CREM: variants seen among roughly 807,000 people sequenced by gnomAD.
The protein encoded by CREM is cAMP-responsive element modulator.
In CREM, 13 loss-of-function variants were observed where a neutral mutation model predicts 37.3. The observed-to-expected ratio is 0.35, with a 90% confidence interval of 0.23 to 0.55. The LOEUF is 0.55. Among genes scored for constraint, CREM ranks in the 20% least tolerant of loss-of-function variants. The pLI, the probability that CREM is intolerant of heterozygous loss-of-function variation, is 0.88. For missense variants in CREM, 296 were observed against 362.3 expected (o/e 0.82, Z 1.49); for synonymous variants, 124 against 120.2 (o/e 1.03, Z -0.21).
intron 6 of CREM, among the ~76,000 whole-genome samples, chr10:35,189,062 A>T (rs181282251): frequency 3.3e-5 from 5 of 152,228 alleles, no homozygotes; most frequent in Admixed American, 3.3e-4. Context: ...CTAATCTATG[A>T]CAATTTAAGT....
At chr10:35,157,373 G>A (rs779817698) in intron 3 of CREM, among the ~76,000 whole-genome samples, 1 of 152,116 alleles carries the variant, frequency 6.6e-6, no homozygotes, top group Non-Finnish European at 1.5e-5. Flanking sequence ...GCTCACACCT[G>A]TAATCCCAGC....
chr10:35,177,341 C>T (rs1047359577), intron 3 of CREM, among the ~76,000 whole-genome samples: 1 of 152,174 alleles, frequency 6.6e-6, no homozygotes, highest in Non-Finnish European at 1.5e-5. Flanking sequence ...TTCTTTCTGA[C>T]ACTAATTATA....
chr10:35,186,378 T>C (rs2094552962), intron 5 of CREM, among the ~76,000 whole-genome samples: 1 of 152,042 alleles, frequency 6.6e-6, no homozygotes, highest in Non-Finnish European at 1.5e-5. Context: ...GACTGGCAGA[T>C]CTCAGTATTT....
At chr10:35,136,915 C>T (rs750306492) in intron 1 of CREM, among the ~76,000 whole-genome samples, 5 of 151,638 alleles carry the variant, frequency 3.3e-5, no homozygotes, top group Admixed American at 1.3e-4. Flanking sequence ...CAACTTTCCG[C>T]GCTCAAGTGA....
At chr10:35,186,896 TA>T (rs1440582543) in intron 5 of CREM, among the ~76,000 whole-genome samples, 6 of 87,668 alleles carry the variant, frequency 6.8e-5, no homozygotes, top group African/African-American at 1.3e-4. Flanking sequence ...TAAATAATTA[TA>T]AAAATATAAT....
chr10:35,189,804 CG>C (rs906247693), intron 6 of CREM, among the ~76,000 whole-genome samples: 1 of 152,132 alleles, frequency 6.6e-6, no homozygotes, highest in African/African-American at 2.4e-5. Context: ...GCAGCACTAA[CG>C]TTAAGGAAAG....
At position 35,211,251 on chromosome 10, in the gene CREM, C is replaced by T; in HGVS notation, c.756-3C>T. The T allele has an allele frequency of 6.2e-7, 1 of 1,612,100 alleles. No homozygotes were observed. The highest frequency in any genetic ancestry group is 8.5e-7 in the Non-Finnish European group (1 of 1,178,880). The stretch of plus-strand genomic sequence containing the variant: ...GTAGTCATTTGCCTTGTGTTGCTTC[C>T]AGGGAAGCTGCCCGGGAGTGTCGCA... On this transcript the variant is annotated splice_region_variant and splice_polypyrimidine_tract_variant and intron_variant, in intron 7 of 7. Transcript: ENST00000685392.
intron 6 of CREM, chr10:35,196,111 C>G: frequency 6.2e-7 from 1 of 1,613,984 alleles, no homozygotes; most frequent in Non-Finnish European, 8.5e-7. Flanking sequence ...TAAGATCGAG[C>G]CTCCTACTGA....
intron 7 of CREM, among the ~76,000 whole-genome samples, chr10:35,208,411 CTT>C (rs2095586965): frequency 6.6e-6 from 1 of 151,974 alleles, no homozygotes; most frequent in Non-Finnish European, 1.5e-5. Context: ...TTTTATTTAA[CTT>C]GTATATTATT....
chr10:35,173,539 A>G (rs915593772), intron 3 of CREM, among the ~76,000 whole-genome samples: 4 of 152,246 alleles, frequency 2.6e-5, no homozygotes, highest in Non-Finnish European at 5.9e-5. Context: ...ATGGTAGCAC[A>G]TACTTATTAT....
At chr10:35,180,899 G>A (rs2094323592) in intron 5 of CREM, among the ~76,000 whole-genome samples, 1 of 152,158 alleles carries the variant, frequency 6.6e-6, no homozygotes. Context: ...CACCCCAGTG[G>A]GCTGTACACA....
rs1477036839 is a variant in CREM at position 35,187,031 on chromosome 10, TATA to T, written c.410-1165_410-1163del. Among the ~76,000 whole-genome samples, 27 of 73,464 alleles carry T rather than the reference TATA, an allele frequency of 3.7e-4. 1 individual carries two copies. In the East Asian group the frequency reaches 6.7e-3, roughly 18 times the overall value. 48.2% of individuals were successfully genotyped at this position (73,464 alleles called of 152,430 possible). ...AATATAATATATAATATATATCACATATAATATATATTATATATAATTAATATA... is the reference window on the plus strand; with the variant it reads ...AATATAATATATAATATATATCACATATATATATTATATATAATTAATATA... On this transcript the variant is annotated intron_variant, in intron 5 of 7. Coordinates refer to ENST00000685392, the MANE Select transcript of CREM (RefSeq NM_183011.2).
intron 6 of CREM, chr10:35,195,224 T>C (rs753177993): frequency 8.1e-6 from 13 of 1,613,868 alleles, no homozygotes; most frequent in Non-Finnish European, 7.6e-6. Context: ...GGTAAGAATG[T>C]TAAAGAGGGG....
intron 6 of CREM, among the ~76,000 whole-genome samples, chr10:35,196,720 G>A (rs1180683317): frequency 6.6e-6 from 1 of 152,070 alleles, no homozygotes; most frequent in African/African-American, 2.4e-5. Context: ...CTTAGAACCA[G>A]AAGGCACTTT....
At chr10:35,167,601 T>C in intron 3 of CREM, 2 of 873,684 alleles carry the variant, frequency 2.3e-6, no homozygotes, top group Non-Finnish European at 3.7e-6. Flanking sequence ...CACTGTGAGG[T>C]TTTCCCAGTT....
chr10:35,201,797 GAC>G (rs1417314705), intron 6 of CREM, among the ~76,000 whole-genome samples: 1 of 152,178 alleles, frequency 6.6e-6, no homozygotes, highest in African/African-American at 2.4e-5. Flanking sequence ...ACTTTGAAGA[GAC>G]ACATCGCATC....
intron 6 of CREM, chr10:35,195,278 TC>T: frequency 3.8e-6 from 6 of 1,585,980 alleles, no homozygotes; most frequent in Non-Finnish European, 5.2e-6. Flanking sequence ...TAGGAAGTAT[TC>T]AGGAACATCT....
intron 1 of CREM, among the ~76,000 whole-genome samples, chr10:35,132,656 C>A (rs1349631618): frequency 6.6e-6 from 1 of 152,158 alleles, no homozygotes; most frequent in Non-Finnish European, 1.5e-5. Context: ...GTTACTGTTA[C>A]TTTGCTTCAT....
chr10:35,153,984 GT>G (rs1447790338), intron 3 of CREM: 5 of 397,060 alleles, frequency 1.3e-5, no homozygotes, highest in Non-Finnish European at 2.2e-5. Context: ...ACCCTATGAT[GT>G]TTGCCAAAAG....
Sources: allele counts gnomAD v4.1 joint callset (sites outside exome capture counted in the v4.1 genomes callset), GRCh38; gene constraint gnomAD v4.1.1; transcripts MANE v1.5; gene names NCBI Gene and HGNC (gene_info 2026-07-23, HGNC 2026-07-21).